HOMER2: variants seen among roughly 807,000 people sequenced by gnomAD.
HOMER2 encodes homer protein homolog 2.
A neutral mutation model predicts 47.0 loss-of-function variants in HOMER2; 27 were observed. That is an observed-to-expected ratio of 0.57 (90% CI 0.42 to 0.79). The LOEUF (loss-of-function observed/expected upper bound fraction) is 0.79, where lower values mean the gene tolerates loss of function less well. HOMER2 is among the 30% of genes least tolerant of loss of function. The pLI is 0.00. For synonymous variants in HOMER2, 161 were observed against 163.8 expected, an observed-to-expected ratio of 0.98 and a Z score of 0.13; for missense variants, 443 against 435.0, an observed-to-expected ratio of 1.02 and a Z score of -0.16.
intron 1 of HOMER2, among the ~76,000 whole-genome samples, chr15:82,916,470 G>A (rs1038725932): frequency 2.0e-5 from 3 of 152,070 alleles, no homozygotes; most frequent in Admixed American, 6.6e-5. Flanking sequence ...AGGGTCTTCC[G>A]ACAGGATTGA....
chr15:82,950,085 G>T (rs1395930561), intron 1 of HOMER2, among the ~76,000 whole-genome samples: 2 of 152,164 alleles, frequency 1.3e-5, no homozygotes, highest in African/African-American at 2.4e-5. Context: ...GAAGGTAGCA[G>T]CAGCTGCATA....
At chr15:82,873,733 C>A (rs528966541) in intron 3 of HOMER2, among the ~76,000 whole-genome samples, 6 of 152,302 alleles carry the variant, frequency 3.9e-5, no homozygotes, top group African/African-American at 1.4e-4. Context: ...TGCCATCAGG[C>A]CATTTTGGAC....
chr15:82,945,752 C>T (rs987673601), intron 1 of HOMER2, among the ~76,000 whole-genome samples: 14 of 151,952 alleles, frequency 9.2e-5, no homozygotes, highest in South Asian at 2.1e-4. Flanking sequence ...GGGCAAATCA[C>T]GAGGTCAGGA....
chr15:82,868,523 T>TTTTATATATATA (rs1453193520), intron 3 of HOMER2, among the ~76,000 whole-genome samples: 23 of 36,636 alleles, frequency 6.3e-4, no homozygotes, highest in African/African-American at 6.8e-4. Flanking sequence ...CTTATTTATT[T>TTTTATATATATA]TATATATATA....
At chr15:82,948,376 CAG>C (rs1297820659) in intron 1 of HOMER2, among the ~76,000 whole-genome samples, 1 of 129,938 alleles carries the variant, frequency 7.7e-6, no homozygotes, top group Non-Finnish European at 1.6e-5. Context: ...GGGCGACAGA[CAG>C]AGACTCCATC....
At chr15:82,897,674 A>T (rs1232630743) in intron 1 of HOMER2, among the ~76,000 whole-genome samples, 2 of 152,244 alleles carry the variant, frequency 1.3e-5, no homozygotes, top group African/African-American at 4.8e-5. Flanking sequence ...TTGATGAAGC[A>T]AGCTGCCATA....
At chr15:82,951,374 A>G (rs1219260543) in intron 1 of HOMER2, among the ~76,000 whole-genome samples, 1 of 152,154 alleles carries the variant, frequency 6.6e-6, no homozygotes, top group Non-Finnish European at 1.5e-5. Flanking sequence ...CCCATGGCTA[A>G]GACTCACCAG....
chr15:82,891,049 C>T (rs1335151509), intron 2 of HOMER2, among the ~76,000 whole-genome samples: 3 of 152,136 alleles, frequency 2.0e-5, no homozygotes, highest in Non-Finnish European at 4.4e-5. Context: ...ATCACCAGAT[C>T]CTGGGGATGC....
At chr15:82,896,396 G>C (rs536827703) in intron 1 of HOMER2, among the ~76,000 whole-genome samples, 11 of 152,354 alleles carry the variant, frequency 7.2e-5, no homozygotes, top group African/African-American at 2.6e-4. Context: ...AAAGTGAGTA[G>C]ACAAGAAGGG....
intron 1 of HOMER2, among the ~76,000 whole-genome samples, chr15:82,904,403 AG>A (rs1476315465): frequency 2.0e-5 from 3 of 152,228 alleles, no homozygotes; most frequent in African/African-American, 7.2e-5. Flanking sequence ...ATCCAATCAT[AG>A]GGGGGCCTGC....
At chr15:82,958,374 G>A (rs2054603329) in exon 2 of HOMER2, 1 of 152,218 alleles carries the variant, frequency 6.6e-6, no homozygotes, top group African/African-American at 2.4e-5. Flanking sequence ...ACTTAAACAG[G>A]AAACGACAAG....
intron 1 of HOMER2, among the ~76,000 whole-genome samples, chr15:82,946,665 C>T (rs2054388997): frequency 6.6e-6 from 1 of 152,118 alleles, no homozygotes; most frequent in African/African-American, 2.4e-5. Context: ...CTTCCTTATC[C>T]TATTGCTATG....
intron 1 of HOMER2, among the ~76,000 whole-genome samples, chr15:82,982,980 G>C (rs1165732717): frequency 6.6e-6 from 1 of 151,898 alleles, no homozygotes; most frequent in Non-Finnish European, 1.5e-5. Flanking sequence ...CTTGATTTTT[G>C]ACGGGGTTAT....
At chr15:82,925,254 C>T (rs2151181924) in intron 1 of HOMER2, among the ~76,000 whole-genome samples, 1 of 152,324 alleles carries the variant, frequency 6.6e-6, no homozygotes, top group Middle Eastern at 3.4e-3. Flanking sequence ...CTGCAGGTGC[C>T]TCTCACGCCT....
At chr15:82,844,515 A>T (rs2051212989), downstream of HOMER2, 1 of 152,216 alleles carries the variant, frequency 6.6e-6, no homozygotes, top group Non-Finnish European at 1.5e-5. Flanking sequence ...ATATGATTAT[A>T]TTTCATGGAA....
At chr15:82,850,691 C>G (rs1186517089) in intron 8 of HOMER2, among the ~76,000 whole-genome samples, 1 of 152,208 alleles carries the variant, frequency 6.6e-6, no homozygotes, top group Non-Finnish European at 1.5e-5. Flanking sequence ...AGAGGACCTG[C>G]AGGGAAGAGG....
chr15:82,905,723 A>T (rs1028161536), intron 1 of HOMER2, among the ~76,000 whole-genome samples: 9 of 152,336 alleles, frequency 5.9e-5, no homozygotes, highest in African/African-American at 1.9e-4. Flanking sequence ...CTGAGAAATT[A>T]TTGTTTAAAA....
In HOMER2 at chr15:82,849,736, G is replaced by A; in HGVS notation, c.1011C>T (p.Ser337=). Residue 337 remains serine, a synonymous_variant, in exon 9 of 9, where the codon TCC becomes TCT. Coordinates refer to ENST00000450735, the MANE Select transcript of HOMER2 (RefSeq NM_004839.4). ...AGCCCTAGTTATCGGTGCCCAGCTT[G>A]GAGAGCCCTCGGCGGAAGTCATGCA... The part of the protein sequence containing the change: ...DDLHDFRRGL[S]KLGTDN The A allele has an allele frequency of 6.2e-7, 1 of 1,613,650 alleles. No individual in the cohort carries two copies. Among genetic ancestry groups the A allele is most frequent in the Non-Finnish European group, 8.5e-7 (1 of 1,179,768 alleles).
intron 1 of HOMER2, among the ~76,000 whole-genome samples, chr15:82,899,107 T>C (rs1411507275): frequency 6.6e-6 from 1 of 152,214 alleles, no homozygotes; most frequent in Non-Finnish European, 1.5e-5. Context: ...CAGCTCCCAG[T>C]GCTTTGCATG....
Sources: gnomAD v4.1 joint callset for allele counts (sites outside exome capture counted in the v4.1 genomes callset) on GRCh38, gnomAD v4.1.1 for gene constraint, MANE v1.5 for transcripts, NCBI Gene and HGNC (gene_info 2026-07-23, HGNC 2026-07-21) for gene names.